Variants in MECOM observed in about 807,000 individuals in gnomAD.
MECOM encodes the protein histone-lysine N-methyltransferase MECOM.
A neutral mutation model predicts 116.3 loss-of-function variants in MECOM; 13 were observed. That is an observed-to-expected ratio of 0.11 (90% CI 0.07 to 0.18). The LOEUF (loss-of-function observed/expected upper bound fraction) is 0.18. Ranked by LOEUF, MECOM falls within the 10% of genes least tolerant of loss-of-function variation. The pLI is 1.00. For synonymous variants in MECOM, 528 were observed against 535.2 expected, an observed-to-expected ratio of 0.99 and a Z score of 0.19; for missense variants, 1,299 against 1,509.0, an observed-to-expected ratio of 0.86 and a Z score of 2.31.
intron 1 of MECOM, among the ~76,000 whole-genome samples, chr3:169,520,714 A>G (rs1376189823): frequency 1.3e-5 from 2 of 152,192 alleles, no homozygotes; most frequent in African/African-American, 2.4e-5. Flanking sequence ...ACAGGTCACT[A>G]TTTAATGAAT....
Position 169,617,645 on chromosome 3 carries a change from C to T in MECOM, c.37+45691G>A, listed in dbSNP as rs116692484. ...GACATCACTTATAAAACTTGGTCTG[C>T]GGTGCCTTTGGTTTTTCTCTTCTTT... On this transcript the variant is annotated intron_variant, in intron 1 of 16. Transcript: ENST00000651503. 5.0e-3 allele frequency among the ~76,000 whole-genome samples: 767 copies of T among 152,264 alleles called. 6 individuals carry two copies. The highest frequency in any genetic ancestry group is 0.017 in the African/African-American group (707 of 41,548).
At chr3:169,600,829 GT>G (rs1767754314) in intron 1 of MECOM, among the ~76,000 whole-genome samples, 1 of 152,206 alleles carries the variant, frequency 6.6e-6, no homozygotes, top group Non-Finnish European at 1.5e-5. Flanking sequence ...ATGGCTAAAT[GT>G]TTGAATAAAG....
At chr3:169,299,391 T>G (rs182894180) in intron 2 of MECOM, among the ~76,000 whole-genome samples, 1 of 152,304 alleles carries the variant, frequency 6.6e-6, no homozygotes, top group East Asian at 1.9e-4. Flanking sequence ...TGCTCTTCCT[T>G]CCTCACCTGA....
rs557590533 is a variant in MECOM at position 169,640,853 on chromosome 3, A to G, written c.37+22483T>C. Among the ~76,000 whole-genome samples the G allele has an allele frequency of 2.0e-5, 3 of 152,336 alleles. No homozygotes were observed. The South Asian group carries it at 6.2e-4, about 32-fold the overall frequency. On this transcript the variant is annotated intron_variant, in intron 1 of 16. Transcript: ENST00000651503. ...GACAGGCTCTGAACTCAACAAAATTATGAGGAGGTGATTCCAAGGTTATGT... is the reference window on the plus strand; with the variant it reads ...GACAGGCTCTGAACTCAACAAAATTGTGAGGAGGTGATTCCAAGGTTATGT...
At chr3:169,438,763 A>G (rs924300912) in intron 1 of MECOM, among the ~76,000 whole-genome samples, 1 of 152,168 alleles carries the variant, frequency 6.6e-6, no homozygotes, top group Non-Finnish European at 1.5e-5. Flanking sequence ...TCTTGTTCCA[A>G]TATGCAGTGT....
chr3:169,549,119 G>A (rs897388548), intron 1 of MECOM, among the ~76,000 whole-genome samples: 14 of 151,946 alleles, frequency 9.2e-5, no homozygotes, highest in African/African-American at 1.4e-4. Context: ...GACTACAGGC[G>A]CATGCCACCA....
chr3:169,348,146 G>T (rs1208171378), intron 2 of MECOM, among the ~76,000 whole-genome samples: 1 of 152,080 alleles, frequency 6.6e-6, no homozygotes, highest in Non-Finnish European at 1.5e-5. Context: ...TGAGAAAGCA[G>T]TGGTAGTGTA....
At chr3:169,475,942 T>C (rs1750306653) in intron 1 of MECOM, among the ~76,000 whole-genome samples, 1 of 152,180 alleles carries the variant, frequency 6.6e-6, no homozygotes, top group Non-Finnish European at 1.5e-5. Context: ...TAAAATGAAA[T>C]GGAAGCACAG....
At chr3:169,562,141 A>C (rs1762720464) in intron 1 of MECOM, among the ~76,000 whole-genome samples, 5 of 102,248 alleles carry the variant, frequency 4.9e-5, no homozygotes, top group African/African-American at 2.9e-4. Context: ...GCAATACTCA[A>C]AAAAAAAAAA....
chr3:169,184,818 T>C (rs1350703939), intron 2 of MECOM, among the ~76,000 whole-genome samples: 1 of 152,218 alleles, frequency 6.6e-6, no homozygotes. Flanking sequence ...AGAATACTCT[T>C]ACATGCAGTC....
chr3:169,200,298 A>C (rs1278277084), intron 2 of MECOM, among the ~76,000 whole-genome samples: 1 of 152,148 alleles, frequency 6.6e-6, no homozygotes, highest in East Asian at 1.9e-4. Flanking sequence ...CTAATAGCAC[A>C]GTTCTTAAAT....
intron 1 of MECOM, among the ~76,000 whole-genome samples, chr3:169,606,408 C>CAAAA (rs774934955): frequency 9.1e-6 from 1 of 110,460 alleles, no homozygotes; most frequent in South Asian, 2.8e-4. Flanking sequence ...GTCTTCGTCT[C>CAAAA]AAAAAAAAAA....
chr3:169,530,206 G>A (rs908041767), intron 1 of MECOM, among the ~76,000 whole-genome samples: 11 of 152,146 alleles, frequency 7.2e-5, no homozygotes, highest in African/African-American at 2.4e-4. Flanking sequence ...CTGAGCAGAG[G>A]TTCCCAGTTG....
intron 1 of MECOM, among the ~76,000 whole-genome samples, chr3:169,418,485 A>G (rs1462033434): frequency 6.6e-6 from 1 of 152,234 alleles, no homozygotes; most frequent in Non-Finnish European, 1.5e-5. Context: ...ATGAACATCA[A>G]TGCGAATATC....
chr3:169,480,497 CT>C (rs1253350845), intron 1 of MECOM, among the ~76,000 whole-genome samples: 2 of 152,144 alleles, frequency 1.3e-5, no homozygotes, highest in Non-Finnish European at 1.5e-5. Context: ...CTCTTTCCCA[CT>C]TTTTTTCTCA....
intron 1 of MECOM, among the ~76,000 whole-genome samples, chr3:169,458,431 G>A (rs968685604): frequency 3.3e-5 from 5 of 152,156 alleles, no homozygotes; most frequent in African/African-American, 9.7e-5. Context: ...CAACAGCGCC[G>A]AGATATAAAT....
intron 2 of MECOM, among the ~76,000 whole-genome samples, chr3:169,306,584 G>T (rs1019881159): frequency 1.3e-5 from 2 of 152,150 alleles, no homozygotes; most frequent in African/African-American, 4.8e-5. Context: ...CAAAGGCTGA[G>T]GCAGGAGAAT....
At chr3:169,455,546 A>G (rs1486636757) in intron 1 of MECOM, among the ~76,000 whole-genome samples, 1 of 152,158 alleles carries the variant, frequency 6.6e-6, no homozygotes, top group African/African-American at 2.4e-5. Flanking sequence ...GGATTATCCT[A>G]TAAACCCCAT....
intron 1 of MECOM, among the ~76,000 whole-genome samples, chr3:169,385,428 T>C (rs926216736): frequency 3.9e-5 from 6 of 152,040 alleles, no homozygotes; most frequent in Non-Finnish European, 5.9e-5. Context: ...ACTAAATATA[T>C]ATGCAAGTGC....
Sources: gnomAD v4.1 joint callset for allele counts (sites outside exome capture counted in the v4.1 genomes callset) on GRCh38, gnomAD v4.1.1 for gene constraint, MANE v1.5 for transcripts, NCBI Gene and HGNC (gene_info 2026-07-23, HGNC 2026-07-21) for gene names.